Variants in MLIP observed in about 807,000 individuals in gnomAD.
MLIP encodes muscular LMNA interacting protein.
A neutral mutation model predicts 84.8 loss-of-function variants in MLIP; 79 were observed. The ratio of observed to expected loss-of-function variants is 0.93; its 90% CI spans 0.78 to 1.12. MLIP has a LOEUF of 1.12. MLIP is among the 50% of genes most tolerant of loss of function. The pLI is 0.00. For synonymous variants in MLIP, 504 were observed against 463.0 expected (o/e 1.09, Z -1.14); for missense variants, 1,257 against 1,160.6 (o/e 1.08, Z -1.21).
intron 12 of MLIP, among the ~76,000 whole-genome samples, chr6:54,237,153 C>T (rs1348288881): frequency 2.0e-5 from 3 of 151,584 alleles, no homozygotes; most frequent in East Asian, 3.9e-4. Context: ...GGGACTGAGA[C>T]AAGGAGGAGA....
Position 54,128,938 on chromosome 6 carries a change from A to AG in MLIP, c.645+4080dup, listed in dbSNP as rs777135074. Among the ~76,000 whole-genome samples the AG allele has an allele frequency of 6.5e-4, 98 of 151,148 alleles. No individual in the cohort carries two copies. The East Asian group carries it at 0.011, about 17-fold the overall frequency. On this transcript the variant is annotated intron_variant, in intron 3 of 13. Transcript: ENST00000502396. ...AGATGGCAGCATTGTTTTTTTTTGG[A>AG]GGGGGGGCACAAAGTCAGGAACATG...
chr6:54,092,001 C>T (rs1367405700), intron 1 of MLIP, among the ~76,000 whole-genome samples: 1 of 152,110 alleles, frequency 6.6e-6, no homozygotes, highest in Non-Finnish European at 1.5e-5. Context: ...AGGGAAATTG[C>T]AGCTAAGTGA....
rs144985507 is a variant in MLIP, at chr6:54,037,429, G to A, written c.63+18338G>A. 2.3e-3 allele frequency among the ~76,000 whole-genome samples: 349 copies of A among 152,038 alleles called. 1 individual carries two copies. The highest frequency in any genetic ancestry group is 8.1e-3 in the African/African-American group (336 of 41,538). On this transcript the variant is annotated intron_variant, in intron 1 of 12. Coordinates refer to the MLIP transcript ENST00000274897. ...ACTGAGTAGATGCTTGTGTGTCAGTGTGTATGTGTGTTAGTGTGTGTGTGT... is the reference window on the plus strand; with the variant it reads ...ACTGAGTAGATGCTTGTGTGTCAGTATGTATGTGTGTTAGTGTGTGTGTGT...
chr6:54,055,737 G>A (rs1054459141), intron 1 of MLIP, among the ~76,000 whole-genome samples: 2 of 152,120 alleles, frequency 1.3e-5, no homozygotes, highest in African/African-American at 4.8e-5. Context: ...AAGGTGATCA[G>A]TAGCATGGAG....
At chr6:54,051,633 G>T (rs1048214728) in intron 1 of MLIP, among the ~76,000 whole-genome samples, 19 of 152,128 alleles carry the variant, frequency 1.2e-4, no homozygotes, top group African/African-American at 4.3e-4. Flanking sequence ...ATAGGAAAAA[G>T]AAAATCTGGG....
intron 1 of MLIP, among the ~76,000 whole-genome samples, chr6:54,091,140 G>A (rs377265402): frequency 2.0e-5 from 3 of 152,112 alleles, no homozygotes; most frequent in African/African-American, 7.2e-5. Flanking sequence ...CATTGCCAAA[G>A]GTACCCTGGG....
At chr6:54,019,334 T>G (rs2150256356) in intron 1 of MLIP, among the ~76,000 whole-genome samples, 1 of 152,352 alleles carries the variant, frequency 6.6e-6, no homozygotes, top group South Asian at 2.1e-4. Flanking sequence ...TTATCGTCAT[T>G]TTAAAAACTG....
At chr6:54,122,181 T>C (rs1770514750) in intron 2 of MLIP, among the ~76,000 whole-genome samples, 1 of 152,102 alleles carries the variant, frequency 6.6e-6, no homozygotes. Context: ...GTTATGTAGG[T>C]AAATAATTAG....
chr6:54,086,036 G>A (rs1254435298), intron 1 of MLIP, among the ~76,000 whole-genome samples: 1 of 152,084 alleles, frequency 6.6e-6, no homozygotes, highest in African/African-American at 2.4e-5. Context: ...TCAGATTTAT[G>A]TGTCGTATGT....
chr6:54,038,502 T>G (rs1764570047), intron 1 of MLIP, among the ~76,000 whole-genome samples: 1 of 151,942 alleles, frequency 6.6e-6, no homozygotes, highest in Admixed American at 6.6e-5. Flanking sequence ...TGTAATTTCT[T>G]TACTAGAATA....
In MLIP at chr6:54,145,787, T is replaced by TCC. The variant is rs199976385; in HGVS notation, c.2218-3265_2218-3264dup. ...AAAGACTCTGTCCCCCACCACCCCC[T>TCC]CCCCCACAAAAAAAAAAAGAAAAAG... is the stretch of plus-strand genomic sequence containing the variant. On this transcript the variant is annotated intron_variant, in intron 4 of 13. Coordinates refer to ENST00000502396, the MANE Select transcript of MLIP (RefSeq NM_001281747.2). Among the ~76,000 whole-genome samples the TCC allele has an allele frequency of 1.7e-3, 147 of 85,152 alleles. 3 individuals are homozygous for TCC. The highest frequency in any genetic ancestry group is 6.0e-3 in the African/African-American group (133 of 22,022). The allele number at this position is 85,152 out of a possible 152,430, so 55.9% of individuals were successfully genotyped here. A position where few individuals can be genotyped will look rare whatever the true frequency, so the allele number is the denominator to read the frequency against.
Position 54,266,031 on chromosome 6 carries a change from C to CTTTT in MLIP, c.*87_*90dup. On this transcript the variant is annotated 3_prime_UTR_variant, in exon 14 of 14. Coordinates refer to ENST00000502396, the MANE Select transcript of MLIP (RefSeq NM_001281747.2). Reference sequence around the variant, plus strand: ...GGTGCTAACCACTTGCTAGATTTAACTTTTTTTTTTTTTTCCAGAATGAGT... The same window carrying CTTTT: ...GGTGCTAACCACTTGCTAGATTTAACTTTTTTTTTTTTTTTTTTCCAGAATGAGT... 3 of 1,209,810 alleles carry CTTTT rather than the reference C, an allele frequency of 2.5e-6. No individual in the cohort carries two copies. The highest frequency in any genetic ancestry group is 2.2e-5 in the Admixed American group (1 of 44,722). The allele number at this position is 1,209,810 out of a possible 1,614,324, so 74.9% of individuals were successfully genotyped here. A position where few individuals can be genotyped will look rare whatever the true frequency, so the allele number is the denominator to read the frequency against.
At chr6:54,208,727 T>C (rs1429508355) in intron 11 of MLIP, among the ~76,000 whole-genome samples, 1 of 152,234 alleles carries the variant, frequency 6.6e-6, no homozygotes, top group Non-Finnish European at 1.5e-5. Flanking sequence ...AACAATCACA[T>C]ACCTTTGGCA....
At chr6:54,148,827 TG>T (rs1285370260) in intron 4 of MLIP, among the ~76,000 whole-genome samples, 1 of 152,190 alleles carries the variant, frequency 6.6e-6, no homozygotes, top group African/African-American at 2.4e-5. Flanking sequence ...GGCATATAGT[TG>T]CCTGTAATCT....
At chr6:54,223,498 T>C (rs1194561887) in intron 11 of MLIP, among the ~76,000 whole-genome samples, 1 of 152,130 alleles carries the variant, frequency 6.6e-6, no homozygotes, top group African/African-American at 2.4e-5. Flanking sequence ...ACACCATTTA[T>C]TGAGGAGACT....
intron 12 of MLIP, among the ~76,000 whole-genome samples, chr6:54,238,145 T>A (rs1781491283): frequency 6.6e-6 from 1 of 152,194 alleles, no homozygotes; most frequent in Admixed American, 6.5e-5. Flanking sequence ...TTTCTATTTT[T>A]AAAAATTCAG....
Position 54,215,552 on chromosome 6 carries a change from T to C in MLIP, c.2718+13319T>C, listed in dbSNP as rs913024232. The C allele has an allele frequency of 1.1e-5, 3 of 264,564 alleles. No individual in the cohort carries two copies. The East Asian group carries it at 3.9e-4, about 35-fold the overall frequency. 16.4% of individuals were successfully genotyped at this position (264,564 alleles called of 1,614,324 possible). A position where few individuals can be genotyped will look rare whatever the true frequency, so the allele number is the denominator to read the frequency against. ...GATGTATGTGTACATTGTATAATGA[T>C]TACCACAGTTAAATTAATCAATGTA... On this transcript the variant is annotated intron_variant, in intron 11 of 13. Coordinates refer to ENST00000502396, the MANE Select transcript of MLIP (RefSeq NM_001281747.2).
At chr6:54,111,269 A>G (rs1769438326), upstream of MLIP, 1 of 682,114 alleles carries the variant, frequency 1.5e-6, no homozygotes, top group South Asian at 2.9e-5. Flanking sequence ...TTCAGCAGTT[A>G]GTATGACCTC....
At chr6:54,217,531 T>C (rs998321849) in intron 11 of MLIP, 2 of 985,192 alleles carry the variant, frequency 2.0e-6, no homozygotes, top group African/African-American at 3.5e-5. Flanking sequence ...GTCTGCTAAT[T>C]TTTCTTTAAT....
Sources: gnomAD v4.1 joint callset for allele counts (sites outside exome capture counted in the v4.1 genomes callset) on GRCh38, gnomAD v4.1.1 for gene constraint, MANE v1.5 for transcripts, NCBI Gene and HGNC (gene_info 2026-07-23, HGNC 2026-07-21) for gene names.